Variants in NLGN4X observed in about 807,000 individuals in gnomAD.
The protein encoded by NLGN4X is neuroligin 4 X-linked.
In NLGN4X, 3 loss-of-function variants were observed where a neutral mutation model predicts 40.3. That is an observed-to-expected ratio of 0.07 (90% confidence interval 0.03 to 0.19). The LOEUF (loss-of-function observed/expected upper bound fraction) is 0.19. Among genes scored for constraint, NLGN4X ranks in the 10% least tolerant of loss-of-function variants. NLGN4X has a pLI of 1.00. For synonymous variants in NLGN4X, 270 were observed against 306.8 expected (o/e 0.88, Z 1.25); for missense variants, 382 against 708.3 (o/e 0.54, Z 5.23).
chrX:6,030,953 G>C (rs982852047), intron 2 of NLGN4X, among the ~76,000 whole-genome samples: 3 of 111,891 alleles, frequency 2.7e-5, no homozygotes, highest in Non-Finnish European at 3.8e-5. Flanking sequence ...AGAGTAAGTA[G>C]AGATTTTGAA....
chrX:6,051,714 C>T (rs1331087466), intron 2 of NLGN4X, among the ~76,000 whole-genome samples: 4 of 110,806 alleles, frequency 3.6e-5, no homozygotes, highest in Non-Finnish European at 3.8e-5. Context: ...CCAGTTTACA[C>T]CATTTACCAC....
chrX:5,939,626 A>C (rs893500236), intron 3 of NLGN4X, among the ~76,000 whole-genome samples: 8 of 111,979 alleles, frequency 7.1e-5, no homozygotes, highest in African/African-American at 2.6e-4. Context: ...TTGTCTTATA[A>C]AAATATGTGT....
At chrX:6,016,458 C>G (rs1396465285) in intron 3 of NLGN4X, among the ~76,000 whole-genome samples, 1 of 111,849 alleles carries the variant, frequency 8.9e-6, no homozygotes, top group East Asian at 2.8e-4. Context: ...ATTAAAAAGA[C>G]AGATGAGAAC....
chrX:5,983,114 G>A (rs2035436366), intron 3 of NLGN4X, among the ~76,000 whole-genome samples: 1 of 112,392 alleles, frequency 8.9e-6, no homozygotes, highest in Non-Finnish European at 1.9e-5. Context: ...CACCCTCAAG[G>A]CAAACATGAA....
chrX:5,978,074 G>A (rs1454591715), intron 3 of NLGN4X, among the ~76,000 whole-genome samples: 1 of 112,004 alleles, frequency 8.9e-6, no homozygotes. Context: ...AATTGGATGG[G>A]ATGTATGCAC....
chrX:6,012,650 G>T (rs1371387267), intron 3 of NLGN4X, among the ~76,000 whole-genome samples: 1 of 111,565 alleles, frequency 9.0e-6, no homozygotes, highest in African/African-American at 3.3e-5. Flanking sequence ...TTAAGGATCT[G>T]CAGATAAAAT....
At chrX:6,019,903 C>T (rs1342841087) in intron 3 of NLGN4X, among the ~76,000 whole-genome samples, 1 of 112,238 alleles carries the variant, frequency 8.9e-6, no homozygotes. Flanking sequence ...GCTTAAATGA[C>T]ATTATATAAT....
Position 6,038,956 on chromosome X carries a change from A to T in NLGN4X, c.473-9524T>A, listed in dbSNP as rs749634399. Among the ~76,000 whole-genome samples the T allele has an allele frequency of 1.1e-4, 12 of 110,759 alleles. No homozygotes were observed. The South Asian group carries it at 4.7e-3, about 43-fold the overall frequency. ...TCATACTTTGAAAAATTTTGAAAAGACATCTGCCAGTTTGAAGACCCCAGT... is the reference window on the plus strand; with the variant it reads ...TCATACTTTGAAAAATTTTGAAAAGTCATCTGCCAGTTTGAAGACCCCAGT... On this transcript the variant is annotated intron_variant, in intron 2 of 5. Transcript: ENST00000381095.
At chrX:5,954,391 CTTT>C (rs764108500) in intron 3 of NLGN4X, among the ~76,000 whole-genome samples, 11 of 55,838 alleles carry the variant, frequency 2.0e-4, no homozygotes, top group African/African-American at 4.9e-4. Flanking sequence ...GCTTGGCTAA[CTTT>C]TTTTTTTTTT....
chrX:6,210,320 A>C lies in NLGN4X; in HGVS notation c.-306+18221T>G, dbSNP rs115978915. 4.9e-3 allele frequency among the ~76,000 whole-genome samples: 531 copies of C among 107,478 alleles called. 7 individuals are homozygous for C. Among genetic ancestry groups the C allele is most frequent in the African/African-American group, 0.017 (505 of 29,510 alleles). 93.3% of individuals were successfully genotyped at this position (107,478 alleles called of 115,157 possible). A position where few individuals can be genotyped will look rare whatever the true frequency, so the allele number is the denominator to read the frequency against. On this transcript the variant is annotated intron_variant, in intron 1 of 5. Coordinates refer to ENST00000381095, the MANE Select transcript of NLGN4X (RefSeq NM_181332.3). The stretch of plus-strand genomic sequence containing the variant: ...AAAAGCTACCTTCTGACACCCCTCT[A>C]TCTTTGCTTCTCATCAGATCTGTAT...
At chrX:6,182,476 A>G (rs1217842853) in intron 1 of NLGN4X, among the ~76,000 whole-genome samples, 2 of 112,092 alleles carry the variant, frequency 1.8e-5, no homozygotes, top group Non-Finnish European at 3.8e-5. Context: ...GACCCCTGAG[A>G]TGCATCAATC....
At chrX:6,052,688 A>G (rs1011418906) in intron 2 of NLGN4X, among the ~76,000 whole-genome samples, 2 of 111,902 alleles carry the variant, frequency 1.8e-5, no homozygotes, top group African/African-American at 6.5e-5. Context: ...GCCTTTCCCA[A>G]CTGTTTTTGT....
intron 1 of NLGN4X, among the ~76,000 whole-genome samples, chrX:6,170,533 T>C (rs1235447245): frequency 8.9e-6 from 1 of 111,985 alleles, no homozygotes; most frequent in Non-Finnish European, 1.9e-5. Flanking sequence ...TTATCATTTT[T>C]CTTTTGAAAA....
chrX:5,977,597 C>T (rs1601986893), intron 3 of NLGN4X, among the ~76,000 whole-genome samples: 1 of 110,324 alleles, frequency 9.1e-6, no homozygotes, highest in African/African-American at 3.3e-5. Flanking sequence ...TTGGCAAAAA[C>T]GGTATATATT....
In NLGN4X at chrX:6,151,461, T is replaced by C; in HGVS notation, c.6A>G (p.Ser2=). 1 of 1,207,332 alleles carries C rather than the reference T, an allele frequency of 8.3e-7. No homozygotes were observed. The highest frequency in any genetic ancestry group is 1.1e-6 in the Non-Finnish European group (1 of 892,019). The part of the protein sequence containing the change: M[S]RPQGLLWLPL... ...GAAGCCATAGCAGTCCCTGGGGCCG[T>C]GACATGGTTCAAATCTGCATCCACA... Residue 2 remains serine, a synonymous_variant, in exon 2 of 6, where the codon TCA becomes TCG. Transcript: ENST00000381095.
At chrX:6,049,994 G>A (rs752230244) in intron 2 of NLGN4X, among the ~76,000 whole-genome samples, 16 of 111,297 alleles carry the variant, frequency 1.4e-4, no homozygotes, top group African/African-American at 4.9e-4. Context: ...TCCTTTCAGC[G>A]CCAGGTAAAT....
chrX:6,170,747 C>T (rs1229561914), intron 1 of NLGN4X, among the ~76,000 whole-genome samples: 1 of 112,023 alleles, frequency 8.9e-6, no homozygotes, highest in East Asian at 2.8e-4. Flanking sequence ...ATAGTTTATG[C>T]TATTTTTTCT....
intron 1 of NLGN4X, among the ~76,000 whole-genome samples, chrX:6,193,325 C>T (rs1354941457): frequency 9.8e-6 from 1 of 102,086 alleles, no homozygotes; most frequent in Non-Finnish European, 2.0e-5. Context: ...AAGAGAATGG[C>T]GTGAACCCGG....
At chrX:6,075,770 CCAT>C (rs1356369018) in intron 2 of NLGN4X, among the ~76,000 whole-genome samples, 1 of 111,622 alleles carries the variant, frequency 9.0e-6, no homozygotes, top group African/African-American at 3.3e-5. Context: ...TCACCTTCCA[CCAT>C]GAGTGGAAGC....
Sources: allele counts gnomAD v4.1 joint callset (sites outside exome capture counted in the v4.1 genomes callset), GRCh38; gene constraint gnomAD v4.1.1; transcripts MANE v1.5; gene names NCBI Gene and HGNC (gene_info 2026-07-23, HGNC 2026-07-21).